The following CEMIP variants were observed in gnomAD, a reference collection of about 807,000 sequenced individuals.
CEMIP encodes cell migration inducing hyaluronidase 1, also known as cell migration-inducing and hyaluronan-binding protein.
In CEMIP, 105 loss-of-function variants were observed where a neutral mutation model predicts 156.9. That is an observed-to-expected ratio of 0.67 (90% confidence interval 0.57 to 0.79). The LOEUF (loss-of-function observed/expected upper bound fraction) is 0.79, where lower values mean the gene tolerates loss of function less well. Ranked by LOEUF, CEMIP falls within the 30% of genes least tolerant of loss-of-function variation. The pLI, the probability that CEMIP is intolerant of heterozygous loss-of-function variation, is 0.00. For synonymous variants in CEMIP, 676 were observed against 668.4 expected (o/e 1.01, Z -0.17); for missense variants, 1,457 against 1,769.4 (o/e 0.82, Z 3.17).
chr15:80,801,992 T>C (rs1396151450), intron 1 of CEMIP, among the ~76,000 whole-genome samples: 1 of 152,186 alleles, frequency 6.6e-6, no homozygotes, highest in African/African-American at 2.4e-5. Context: ...TCTTTTATAT[T>C]AGGGACTTGA....
rs372580802 is a variant in CEMIP at position 80,788,792 on chromosome 15, C to T, written c.-176+9178C>T. 2.6e-5 allele frequency among the ~76,000 whole-genome samples: 4 copies of T among 152,214 alleles called. No individual in the cohort carries two copies. The South Asian group carries it at 6.2e-4, about 24-fold the overall frequency. Reference sequence around the variant, plus strand: ...TTGCTGAGCCATGAGTGAGCCTGCTCATCTCTCTTCCGCTCCAACTGGTGC... The same window carrying T: ...TTGCTGAGCCATGAGTGAGCCTGCTTATCTCTCTTCCGCTCCAACTGGTGC... On this transcript the variant is annotated intron_variant, in intron 1 of 29. Coordinates refer to ENST00000394685, the MANE Select transcript of CEMIP (RefSeq NM_001293298.2).
chr15:80,842,284 C>T (rs993358586), intron 1 of CEMIP, among the ~76,000 whole-genome samples: 2 of 152,136 alleles, frequency 1.3e-5, no homozygotes, highest in Non-Finnish European at 1.5e-5. Flanking sequence ...TTTTCTTCTC[C>T]TCCTACTTGG....
At chr15:80,911,953 T>G (rs1321729931) in intron 14 of CEMIP, among the ~76,000 whole-genome samples, 8 of 127,262 alleles carry the variant, frequency 6.3e-5, no homozygotes, top group East Asian at 2.3e-4. Context: ...GAGGCTGGGA[T>G]TGCTGGGAAA....
At chr15:80,825,211 C>G (rs1355187779) in intron 1 of CEMIP, among the ~76,000 whole-genome samples, 1 of 152,042 alleles carries the variant, frequency 6.6e-6, no homozygotes, top group Non-Finnish European at 1.5e-5. Context: ...AACTGTGTAC[C>G]GGATGGGCAT....
intron 23 of CEMIP, among the ~76,000 whole-genome samples, chr15:80,934,137 T>C (rs1342924187): frequency 6.6e-6 from 1 of 152,234 alleles, no homozygotes; most frequent in Non-Finnish European, 1.5e-5. Flanking sequence ...TAATGTGAAT[T>C]TTTAATTTTA....
chr15:80,912,078 A>AGCTGGGAGAG (rs1900087869), intron 14 of CEMIP, among the ~76,000 whole-genome samples: 4 of 142,426 alleles, frequency 2.8e-5, no homozygotes, highest in Admixed American at 2.8e-4. Flanking sequence ...AGGCTGGGAG[A>AGCTGGGAGAG]GCTGGGAGAG....
chr15:80,814,143 G>A (rs1030516583), intron 1 of CEMIP, among the ~76,000 whole-genome samples: 2 of 148,124 alleles, frequency 1.4e-5, no homozygotes, highest in Non-Finnish European at 3.0e-5. Context: ...CCACCTCTCG[G>A]GTTCACGCCA....
At chr15:80,943,348 G>A (rs1010997615) in intron 28 of CEMIP, among the ~76,000 whole-genome samples, 2 of 152,194 alleles carry the variant, frequency 1.3e-5, no homozygotes, top group Non-Finnish European at 2.9e-5. Flanking sequence ...GCTGCACATG[G>A]GAAGGTTGCC....
At chr15:80,846,188 C>G (rs773907583) in intron 1 of CEMIP, among the ~76,000 whole-genome samples, 13 of 152,210 alleles carry the variant, frequency 8.5e-5, no homozygotes, top group Non-Finnish European at 1.0e-4. Context: ...GTGTCAGGCC[C>G]AGATGGTTTC....
At chr15:80,845,971 T>C (rs560048360) in intron 1 of CEMIP, among the ~76,000 whole-genome samples, 1 of 152,286 alleles carries the variant, frequency 6.6e-6, no homozygotes, top group Admixed American at 6.5e-5. Flanking sequence ...AGCCTGTCCC[T>C]GTTCTGGGCA....
intron 1 of CEMIP, among the ~76,000 whole-genome samples, chr15:80,830,659 A>G (rs1466751910): frequency 1.3e-5 from 2 of 151,826 alleles, no homozygotes; most frequent in Non-Finnish European, 2.9e-5. Flanking sequence ...TATTTCTTTC[A>G]TCTTGTGAGC....
At chr15:80,901,463 A>G (rs1039041269) in intron 12 of CEMIP, among the ~76,000 whole-genome samples, 4 of 152,122 alleles carry the variant, frequency 2.6e-5, no homozygotes, top group African/African-American at 9.7e-5. Context: ...ACACTTTGGG[A>G]GGCTGAGGTG....
intron 6 of CEMIP, among the ~76,000 whole-genome samples, chr15:80,881,501 A>C (rs1197369611): frequency 6.6e-6 from 1 of 152,152 alleles, no homozygotes; most frequent in Non-Finnish European, 1.5e-5. Context: ...AAGGGTGAGG[A>C]TATGTCAGGG....
chr15:80,900,892 C>A, intron 12 of CEMIP: 2 of 453,714 alleles, frequency 4.4e-6, no homozygotes, highest in Non-Finnish European at 8.9e-6. Context: ...CGGACACGAT[C>A]TCCCTGGGTC....
At chr15:80,904,721 A>G (rs916514208) in intron 12 of CEMIP, among the ~76,000 whole-genome samples, 1 of 152,208 alleles carries the variant, frequency 6.6e-6, no homozygotes, top group Admixed American at 6.5e-5. Context: ...AAATCTGAAA[A>G]GGGCAAGGAA....
intron 19 of CEMIP, among the ~76,000 whole-genome samples, chr15:80,927,027 C>T (rs1471108853): frequency 6.6e-6 from 1 of 152,196 alleles, no homozygotes; most frequent in Non-Finnish European, 1.5e-5. Context: ...GACGGGGTTT[C>T]ACCACATTGG....
intron 29 of CEMIP, chr15:80,948,084 C>A (rs1901639863): frequency 6.5e-6 from 1 of 153,204 alleles, no homozygotes; most frequent in South Asian, 2.1e-4. Context: ...ATTTTGGAGC[C>A]TCTGTCTTTT....
chr15:80,819,443 C>T (rs972300069), intron 1 of CEMIP, among the ~76,000 whole-genome samples: 1 of 152,232 alleles, frequency 6.6e-6, no homozygotes. Context: ...ATCAGGATGC[C>T]AGTGGTGTGG....
chr15:80,887,779 G>A lies in CEMIP; in HGVS notation c.868+15G>A, dbSNP rs1596160332. On this transcript the variant is annotated intron_variant, in intron 8 of 29. Transcript: ENST00000394685. Reference sequence around the variant, plus strand: ...TGAATATCATGGTAATACATAGCTGGCTGGAGGCCTGATTCCCTCCAGTGT... The same window carrying A: ...TGAATATCATGGTAATACATAGCTGACTGGAGGCCTGATTCCCTCCAGTGT... The A allele has an allele frequency of 6.3e-7, 1 of 1,598,376 alleles. No individual in the cohort carries two copies. Among genetic ancestry groups the A allele is most frequent in the East Asian group, 2.2e-5 (1 of 44,784 alleles).
Sources: gnomAD v4.1 joint callset for allele counts (sites outside exome capture counted in the v4.1 genomes callset) on GRCh38, gnomAD v4.1.1 for gene constraint, MANE v1.5 for transcripts, NCBI Gene and HGNC (gene_info 2026-07-23, HGNC 2026-07-21) for gene names.